Variants in EHBP1 observed in about 807,000 individuals in gnomAD.
EHBP1 encodes EH domain binding protein 1.
In EHBP1, 55 loss-of-function variants were observed where a neutral mutation model predicts 144.0. That is an observed-to-expected ratio of 0.38 (90% confidence interval 0.31 to 0.48). The LOEUF (loss-of-function observed/expected upper bound fraction) is 0.48. Among genes scored for constraint, EHBP1 ranks in the 20% least tolerant of loss-of-function variants. EHBP1 has a pLI of 0.98. For synonymous variants in EHBP1, 469 were observed against 472.7 expected, an observed-to-expected ratio of 0.99 and a Z score of 0.10; for missense variants, 1,200 against 1,364.2, an observed-to-expected ratio of 0.88 and a Z score of 1.90.
In EHBP1 at chr2:62,922,568, A is replaced by G. The variant is rs189309226; in HGVS notation, c.1186-20150A>G. ...ATCAGACAAAATGGACTAAATTTAAAAAGGTTATAGGGAAGATGCAGGAAT... is the reference window on the plus strand; with the variant it reads ...ATCAGACAAAATGGACTAAATTTAAGAAGGTTATAGGGAAGATGCAGGAAT... On this transcript the variant is annotated intron_variant, in intron 10 of 22. Transcript: ENST00000431489. Among the ~76,000 whole-genome samples the G allele has an allele frequency of 6.6e-5, 10 of 152,366 alleles. No homozygotes were observed. The East Asian group carries it at 1.5e-3, about 23-fold the overall frequency.
At chr2:62,968,523 A>AT (rs963399392) in intron 14 of EHBP1, among the ~76,000 whole-genome samples, 4 of 151,994 alleles carry the variant, frequency 2.6e-5, no homozygotes, top group African/African-American at 7.3e-5. Context: ...TAAAACAGTA[A>AT]TTTTTTTTAA....
chr2:62,788,454 A>G (rs926278970), intron 5 of EHBP1, among the ~76,000 whole-genome samples: 47 of 151,900 alleles, frequency 3.1e-4, no homozygotes, highest in African/African-American at 1.0e-3. Context: ...AGTAATACTC[A>G]TGTTATGGAC....
At chr2:63,039,558 T>C (rs2061578129) in intron 21 of EHBP1, among the ~76,000 whole-genome samples, 2 of 152,160 alleles carry the variant, frequency 1.3e-5, no homozygotes, top group Non-Finnish European at 2.9e-5. Context: ...GTCTAATCAA[T>C]GCAAACTGAT....
intron 12 of EHBP1, 55 bp from the exon 13 acceptor site, chr2:62,948,205 A>T: frequency 7.1e-7 from 1 of 1,409,700 alleles, no homozygotes; most frequent in South Asian, 1.7e-5. Flanking sequence ...TCTTTTTAAA[A>T]TGTGTGAATT....
intron 10 of EHBP1, chr2:62,939,957 C>G (rs998762620): frequency 3.8e-6 from 1 of 264,490 alleles, no homozygotes; most frequent in Non-Finnish European, 7.5e-6. Context: ...GGTTTAAGCA[C>G]TGGAGGAACC....
chr2:62,755,033 C>T (rs928668895), intron 3 of EHBP1, among the ~76,000 whole-genome samples: 3 of 152,194 alleles, frequency 2.0e-5, no homozygotes, highest in African/African-American at 4.8e-5. Context: ...AAGATGAACC[C>T]GGTACCTCAG....
intron 5 of EHBP1, among the ~76,000 whole-genome samples, chr2:62,773,296 A>T (rs994773943): frequency 6.6e-6 from 1 of 151,470 alleles, no homozygotes; most frequent in African/African-American, 2.4e-5. Context: ...TTTGAGAATA[A>T]TTTTTTTTTC....
At chr2:62,959,140 A>G (rs1467258700) in intron 14 of EHBP1, among the ~76,000 whole-genome samples, 3 of 152,204 alleles carry the variant, frequency 2.0e-5, no homozygotes, top group Non-Finnish European at 4.4e-5. Flanking sequence ...TTGTCTTTCT[A>G]TAACTGGCTT....
chr2:62,760,076 A>G (rs2040643985), intron 3 of EHBP1, among the ~76,000 whole-genome samples: 1 of 152,106 alleles, frequency 6.6e-6, no homozygotes, highest in South Asian at 2.1e-4. Flanking sequence ...TGGAACTTGC[A>G]TATGTGAAAA....
At chr2:62,886,257 A>G (rs1324717675) in intron 10 of EHBP1, among the ~76,000 whole-genome samples, 2 of 152,222 alleles carry the variant, frequency 1.3e-5, no homozygotes, top group Non-Finnish European at 2.9e-5. Flanking sequence ...TTAATTTCCT[A>G]TCATATGTAA....
intron 10 of EHBP1, among the ~76,000 whole-genome samples, chr2:62,926,432 A>C (rs1454012345): frequency 6.6e-6 from 1 of 152,186 alleles, no homozygotes; most frequent in Non-Finnish European, 1.5e-5. Context: ...CAAACTACTC[A>C]TTCGATGGAG....
At chr2:62,816,499 AAC>A (rs2045459835) in intron 5 of EHBP1, among the ~76,000 whole-genome samples, 1 of 152,178 alleles carries the variant, frequency 6.6e-6, no homozygotes, top group Non-Finnish European at 1.5e-5. Flanking sequence ...AACCCTTGAG[AAC>A]TGTTAGTCTA....
chr2:62,724,266 TGTTA>T (rs1313500870), intron 2 of EHBP1, among the ~76,000 whole-genome samples: 5 of 152,238 alleles, frequency 3.3e-5, no homozygotes, highest in Non-Finnish European at 4.4e-5. Flanking sequence ...TCTGTTCTGC[TGTTA>T]GTTCTTGTGA....
At chr2:62,767,772 G>T (rs1342522587) in intron 4 of EHBP1, among the ~76,000 whole-genome samples, 4 of 150,132 alleles carry the variant, frequency 2.7e-5, no homozygotes, top group African/African-American at 9.8e-5. Context: ...GGAGGTGAAG[G>T]TTGCAGTGAA....
chr2:62,955,826 C>T (rs1316606187), intron 14 of EHBP1, 166 bp downstream of exon 14: 1 of 612,134 alleles, frequency 1.6e-6, no homozygotes, highest in African/African-American at 1.9e-5. Flanking sequence ...CTTGTAGGAC[C>T]ATTTGATCAT....
intron 4 of EHBP1, among the ~76,000 whole-genome samples, chr2:62,769,672 T>G (rs2041480188): frequency 6.6e-6 from 1 of 151,416 alleles, no homozygotes; most frequent in Non-Finnish European, 1.5e-5. Context: ...AAAATTCATA[T>G]GAAACCAAAA....
intron 2 of EHBP1, among the ~76,000 whole-genome samples, chr2:62,741,124 C>T (rs988458283): frequency 6.6e-6 from 1 of 152,100 alleles, no homozygotes; most frequent in Non-Finnish European, 1.5e-5. Context: ...ACTATGCCCT[C>T]CTCTCTGTTC....
chr2:62,731,252 T>G (rs2037567987), intron 2 of EHBP1, among the ~76,000 whole-genome samples: 1 of 152,198 alleles, frequency 6.6e-6, no homozygotes, highest in Non-Finnish European at 1.5e-5. Context: ...TTGACTTTTA[T>G]ATATTAACCT....
At chr2:63,016,324 C>A (rs915940867) in intron 19 of EHBP1, among the ~76,000 whole-genome samples, 13 of 151,872 alleles carry the variant, frequency 8.6e-5, no homozygotes, top group Non-Finnish European at 1.0e-4. Context: ...CTTTATGTTA[C>A]CTAACTCCAA....
Sources: gnomAD v4.1 joint callset for allele counts (sites outside exome capture counted in the v4.1 genomes callset) on GRCh38, gnomAD v4.1.1 for gene constraint, MANE v1.5 for transcripts, NCBI Gene and HGNC (gene_info 2026-07-23, HGNC 2026-07-21) for gene names.